Variants in USP53 observed in about 807,000 individuals in gnomAD.
USP53 encodes ubiquitin carboxyl-terminal hydrolase 53.
In USP53, 71 loss-of-function variants were observed where a neutral mutation model predicts 94.9. The ratio of observed to expected loss-of-function variants is 0.75; its 90% confidence interval spans 0.62 to 0.91. The LOEUF (loss-of-function observed/expected upper bound fraction) is 0.91, where lower values mean the gene tolerates loss of function less well. Ranked by LOEUF, USP53 falls within the 40% of genes least tolerant of loss-of-function variation. The probability of loss-of-function intolerance (pLI) is 0.00; values close to 1 mark genes in which losing one functional copy is unlikely to be tolerated. For missense variants in USP53, 1,173 were observed against 1,281.0 expected, an observed-to-expected ratio of 0.92 and a Z score of 1.29; for synonymous variants, 375 against 422.7, an observed-to-expected ratio of 0.89 and a Z score of 1.39.
chr4:119,242,863 AAC>A (rs1374492630), intron 5 of USP53, among the ~76,000 whole-genome samples: 2 of 152,228 alleles, frequency 1.3e-5, no homozygotes, highest in Non-Finnish European at 2.9e-5. Context: ...GAATTTACTA[AAC>A]ACAGACATTA....
At position 119,256,108 on chromosome 4, in the gene USP53, G is replaced by A. The variant is rs924334126; in HGVS notation, c.373-138G>A. ...GAACATTCGATCAAAGTGTTGATTAGAGAGGAAAGCTGAAAAGCTAACAAT... is the reference window on the plus strand; with the variant it reads ...GAACATTCGATCAAAGTGTTGATTAAAGAGGAAAGCTGAAAAGCTAACAAT... On this transcript the variant is annotated intron_variant, in intron 7 of 18. Coordinates refer to ENST00000692078, the MANE Select transcript of USP53 (RefSeq NM_001371395.1). 5.0e-6 allele frequency: 3 copies of A among 598,834 alleles called. No homozygotes were observed. In the African/African-American group the frequency reaches 5.6e-5, roughly 11 times the overall value. 37.1% of individuals were successfully genotyped at this position (598,834 alleles called of 1,614,324 possible).
chr4:119,213,795 T>C (rs534018051), intron 1 of USP53, among the ~76,000 whole-genome samples: 15 of 151,712 alleles, frequency 9.9e-5, no homozygotes, highest in African/African-American at 3.4e-4. Flanking sequence ...GGAGAATTGC[T>C]TGAACCGGAG....
Position 119,293,216 on chromosome 4 carries a change from A to G in USP53, c.*5A>G. ...TGTAATAATTCACTATCTTAGAGTG[A>G]AAAAGGACTAGACCTGTGTTACATA... On this transcript the variant is annotated 3_prime_UTR_variant, in exon 19 of 19. Transcript: ENST00000692078. The G allele has an allele frequency of 1.3e-6, 2 of 1,577,556 alleles. No homozygotes were observed. The highest frequency in any genetic ancestry group is 2.3e-5 in the South Asian group (2 of 85,268).
In USP53 at chr4:119,272,133, A is replaced by G. The variant is rs1751954085; in HGVS notation, c.2174+99A>G. On this transcript the variant is annotated intron_variant, in intron 16 of 18. Transcript: ENST00000692078. The stretch of plus-strand genomic sequence containing the variant: ...GTTTGGGGTCAATTAAATAGAACAG[A>G]AACAGCATGAGCTGTTTTAAAGAGC... The G allele has an allele frequency of 4.6e-6, 6 of 1,304,486 alleles. 1 individual carries two copies. The South Asian group carries it at 9.3e-5, about 20-fold the overall frequency. The allele number at this position is 1,304,486 out of a possible 1,614,324, so 80.8% of individuals were successfully genotyped here.
At chr4:119,286,921 A>C (rs1019268219) in intron 17 of USP53, among the ~76,000 whole-genome samples, 2 of 152,002 alleles carry the variant, frequency 1.3e-5, no homozygotes, top group African/African-American at 4.8e-5. Context: ...GATTTTCTTA[A>C]ACATGAAAAA....
In USP53 at chr4:119,260,950, CTTTTTTTTTT is replaced by C. The variant is rs572630415; in HGVS notation, c.822+315_822+324del. ...ATTCATCTAAAGCACTGATCTCTCT[CTTTTTTTTTT>C]TTTTTTTTTTTTTTTTTGCGGCAGA... On this transcript the variant is annotated intron_variant, in intron 11 of 18. Coordinates refer to ENST00000692078, the MANE Select transcript of USP53 (RefSeq NM_001371395.1). Among the ~76,000 whole-genome samples, 369 of 91,788 alleles carry C rather than the reference CTTTTTTTTTT, an allele frequency of 4.0e-3. 1 individual carries two copies. The highest frequency in any genetic ancestry group is 6.2e-3 in the Non-Finnish European group (306 of 49,494). The allele number at this position is 91,788 out of a possible 152,430, so 60.2% of individuals were successfully genotyped here.
intron 5 of USP53, among the ~76,000 whole-genome samples, chr4:119,243,709 G>A (rs965717042): frequency 6.6e-6 from 1 of 152,064 alleles, no homozygotes; most frequent in African/African-American, 2.4e-5. Context: ...AAACATTCTG[G>A]TTACATTTGG....
chr4:119,275,822 T>C (rs1213852846), intron 17 of USP53, among the ~76,000 whole-genome samples: 1 of 152,162 alleles, frequency 6.6e-6, no homozygotes, highest in African/African-American at 2.4e-5. Flanking sequence ...ACATCCCTTG[T>C]AAGTTGGATT....
chr4:119,230,777 C>T (rs894358269), intron 3 of USP53, among the ~76,000 whole-genome samples: 2 of 152,092 alleles, frequency 1.3e-5, no homozygotes, highest in East Asian at 1.9e-4. Context: ...GGGGAGCCAA[C>T]GAGATATGCA....
intron 17 of USP53, among the ~76,000 whole-genome samples, chr4:119,279,806 C>T (rs1044976518): frequency 3.3e-5 from 5 of 152,178 alleles, no homozygotes; most frequent in Non-Finnish European, 7.3e-5. Context: ...TCTCGTGGTT[C>T]GCCGCTTTTT....
intron 5 of USP53, among the ~76,000 whole-genome samples, chr4:119,242,687 A>T (rs1420610758): frequency 1.3e-5 from 2 of 152,198 alleles, no homozygotes; most frequent in Non-Finnish European, 2.9e-5. Flanking sequence ...CTGCCATATA[A>T]ACTCATTTAC....
chr4:119,228,442 C>A (rs1745616235), intron 3 of USP53, among the ~76,000 whole-genome samples: 1 of 152,096 alleles, frequency 6.6e-6, no homozygotes, highest in African/African-American at 2.4e-5. Context: ...TACATTAGGC[C>A]CAACCAGATA....
At chr4:119,259,526 A>G (rs1009788606) in intron 9 of USP53, among the ~76,000 whole-genome samples, 6 of 152,176 alleles carry the variant, frequency 3.9e-5, no homozygotes, top group Non-Finnish European at 7.4e-5. Context: ...CAAATAAAAC[A>G]TTTGCCTTAG....
At chr4:119,292,273 A>G in intron 18 of USP53, 65 bp from the exon 19 acceptor site, 1 of 1,436,944 alleles carries the variant, frequency 7.0e-7, no homozygotes, top group Non-Finnish European at 9.2e-7. Context: ...ACAAATGTTT[A>G]TTTTCCCCTA....
At position 119,239,763 on chromosome 4, in the gene USP53, G is replaced by A. The variant is rs1444052771; in HGVS notation, c.4G>A (p.Ala2Thr). The A allele has an allele frequency of 1.2e-6, 2 of 1,606,816 alleles. No homozygotes were observed. The highest frequency in any genetic ancestry group is 1.1e-5 in the South Asian group (1 of 89,458). ...ATGCAAACAAAGTTGCTTGAAAATG[G>A]CATGGGTAAAATTCTTACGGAAACC... M[A>T]WVKFLRKPGG... The change falls in exon 5 of 19, where the codon GCA becomes ACA. Residue 2 changes from alanine (A) to threonine (T), a missense_variant. Ala to Thr is a moderately conservative substitution (Grantham distance 58). Coordinates refer to ENST00000692078, the MANE Select transcript of USP53 (RefSeq NM_001371395.1).
rs906872689 is a variant in USP53, at chr4:119,239,555, A to C, written c.-205A>C. 7.8e-6 allele frequency: 4 copies of C among 514,714 alleles called. No individual in the cohort carries two copies. The East Asian group carries it at 9.3e-5, about 12-fold the overall frequency. 31.9% of individuals were successfully genotyped at this position (514,714 alleles called of 1,614,324 possible). The stretch of plus-strand genomic sequence containing the variant: ...ATAGCTTTCTTTTTTAGTGCTTAGA[A>C]CTTCAATGTTTATGCACCCTATTGT... On this transcript the variant is annotated 5_prime_UTR_variant, in exon 5 of 19. Coordinates refer to ENST00000692078, the MANE Select transcript of USP53 (RefSeq NM_001371395.1).
intron 3 of USP53, among the ~76,000 whole-genome samples, chr4:119,225,101 G>A (rs1181108227): frequency 6.6e-6 from 1 of 152,138 alleles, no homozygotes; most frequent in East Asian, 1.9e-4. Flanking sequence ...ACAGTATCAG[G>A]AGTGAAAGAA....
At position 119,212,878 on chromosome 4, in the gene USP53, G is replaced by A. The variant is rs1743045645; in HGVS notation, c.-942+5G>A. The A allele has an allele frequency of 5.4e-6, 1 of 185,672 alleles. No homozygotes were observed. Among genetic ancestry groups the A allele is most frequent in the Non-Finnish European group, 1.2e-5 (1 of 85,532 alleles). The allele number at this position is 185,672 out of a possible 1,614,324, so 11.5% of individuals were successfully genotyped here. A position where few individuals can be genotyped will look rare whatever the true frequency, so the allele number is the denominator to read the frequency against. On this transcript the variant is annotated splice_donor_5th_base_variant and intron_variant, in intron 1 of 18. Transcript: ENST00000692078. ...GCAAGGAGGGTAGAGCTCAAGGTAA[G>A]TCTCCGAAACTAGCCCTCTGGTTGG...
In USP53 at chr4:119,261,846, T is replaced by A. The variant is rs758381136; in HGVS notation, c.954T>A (p.Asp318Glu). The change falls in exon 12 of 19, where the codon GAT (aspartate) becomes GAA (glutamate). Residue 318 changes from aspartate (D) to glutamate (E), a missense_variant. By Grantham distance (45) the Asp-to-Glu change is conservative. Coordinates refer to ENST00000692078, the MANE Select transcript of USP53 (RefSeq NM_001371395.1). ...HTKSSKWVFF[D>E]DANVKEIGTR... ...AAAGTTCCAAATGGGTATTTTTTGA[T>A]GATGCAAATGTGAAAGAGGTAAGTG... 1.4e-6 allele frequency: 2 copies of A among 1,477,236 alleles called. No homozygotes were observed. Among genetic ancestry groups the A allele is most frequent in the Non-Finnish European group, 9.1e-7 (1 of 1,095,616 alleles). The allele number at this position is 1,477,236 out of a possible 1,614,324, so 91.5% of individuals were successfully genotyped here. A position where few individuals can be genotyped will look rare whatever the true frequency, so the allele number is the denominator to read the frequency against.
Sources: gnomAD v4.1 joint callset for allele counts (sites outside exome capture counted in the v4.1 genomes callset) on GRCh38, gnomAD v4.1.1 for gene constraint, MANE v1.5 for transcripts, NCBI Gene and HGNC (gene_info 2026-07-23, HGNC 2026-07-21) for gene names.